SLCO3A1: variants seen among roughly 807,000 people sequenced by gnomAD.
SLCO3A1 encodes solute carrier organic anion transporter family member 3A1.
Under a neutral mutation model 63.1 loss-of-function variants are expected in SLCO3A1, and 27 were observed. The ratio of observed to expected loss-of-function variants is 0.43; its 90% confidence interval spans 0.32 to 0.59. The LOEUF is 0.59. SLCO3A1 is among the 20% of genes least tolerant of loss of function. The probability of loss-of-function intolerance (pLI) is 0.09; values close to 1 mark genes in which losing one functional copy is unlikely to be tolerated. For missense variants in SLCO3A1, 773 were observed against 945.8 expected, an observed-to-expected ratio of 0.82 and a Z score of 2.40; for synonymous variants, 473 against 409.9, an observed-to-expected ratio of 1.15 and a Z score of -1.86.
In SLCO3A1 at chr15:92,143,447, TATAA is replaced by T. The variant is rs1368771443; in HGVS notation, c.1513-3536_1513-3533del. Reference sequence around the variant, plus strand: ...ATATATATAATATATATAATATATATATAATATATATAATATATATAAATATATA... The same window carrying T: ...ATATATATAATATATATAATATATATTATATATAATATATATAAATATATA... On this transcript the variant is annotated intron_variant, in intron 7 of 9. Coordinates refer to ENST00000318445, the MANE Select transcript of SLCO3A1 (RefSeq NM_013272.4). 8.0e-4 allele frequency among the ~76,000 whole-genome samples: 7 copies of T among 8,796 alleles called. 2 individuals are homozygous for T. Among genetic ancestry groups the T allele is most frequent in the African/African-American group, 2.8e-3 (2 of 720 alleles). The allele number at this position is 8,796 out of a possible 152,430, so 5.8% of individuals were successfully genotyped here. A position where few individuals can be genotyped will look rare whatever the true frequency, so the allele number is the denominator to read the frequency against.
chr15:91,965,100 G>A (rs764025955), intron 2 of SLCO3A1, among the ~76,000 whole-genome samples: 3 of 151,668 alleles, frequency 2.0e-5, no homozygotes, highest in Non-Finnish European at 4.4e-5. Context: ...GGGATACTCA[G>A]TGGATGATTA....
At chr15:92,091,946 C>G (rs562207109) in intron 2 of SLCO3A1, among the ~76,000 whole-genome samples, 5 of 152,334 alleles carry the variant, frequency 3.3e-5, no homozygotes, top group African/African-American at 1.2e-4. Context: ...GGTGGAGAGG[C>G]TGCCTCAGGG....
intron 2 of SLCO3A1, among the ~76,000 whole-genome samples, chr15:91,938,616 A>G (rs1278538633): frequency 2.0e-5 from 3 of 152,016 alleles, no homozygotes; most frequent in Non-Finnish European, 4.4e-5. Flanking sequence ...GACCCTCCAG[A>G]CAACTATAAA....
At chr15:92,016,352 A>T (rs2046437572) in intron 2 of SLCO3A1, among the ~76,000 whole-genome samples, 2 of 152,102 alleles carry the variant, frequency 1.3e-5, no homozygotes, top group Admixed American at 1.3e-4. Context: ...TTTGGTAGAG[A>T]TGAGATCTCA....
intron 1 of SLCO3A1, among the ~76,000 whole-genome samples, chr15:91,907,617 C>T (rs550203953): frequency 1.1e-3 from 165 of 151,146 alleles, no homozygotes; most frequent in African/African-American, 3.9e-3. Context: ...CTTTGCCTCC[C>T]AGGCAGATTC....
At chr15:91,884,972 G>C (rs893513790) in intron 1 of SLCO3A1, among the ~76,000 whole-genome samples, 4 of 152,050 alleles carry the variant, frequency 2.6e-5, no homozygotes, top group African/African-American at 9.7e-5. Context: ...TGTATTCTAG[G>C]AGCATGGGGT....
chr15:91,926,596 T>TGTGTGTGTGTGTGCGTGC, intron 2 of SLCO3A1, among the ~76,000 whole-genome samples: 1 of 105,256 alleles, frequency 9.5e-6, no homozygotes, highest in Non-Finnish European at 2.1e-5. Context: ...TGTGTGTGTG[T>TGTGTGTGTGTGTGCGTGC]GCGCGCGCGC....
At chr15:91,966,039 A>C (rs943163383) in intron 2 of SLCO3A1, among the ~76,000 whole-genome samples, 1 of 152,128 alleles carries the variant, frequency 6.6e-6, no homozygotes, top group Non-Finnish European at 1.5e-5. Context: ...TCATTCCGTG[A>C]GTCATCCAGA....
At chr15:91,987,761 A>G (rs1567053294) in intron 2 of SLCO3A1, among the ~76,000 whole-genome samples, 1 of 151,266 alleles carries the variant, frequency 6.6e-6, no homozygotes, top group Non-Finnish European at 1.5e-5. Context: ...AAAAAAAGAT[A>G]ATAATAATTA....
chr15:92,032,837 T>C (rs1380187349), intron 2 of SLCO3A1, among the ~76,000 whole-genome samples: 1 of 143,138 alleles, frequency 7.0e-6, no homozygotes, highest in Non-Finnish European at 1.5e-5. Context: ...ATTGCCCTTA[T>C]AAGGGACAGA....
In SLCO3A1 at chr15:91,954,654, G is replaced by A. The variant is rs1439199291; in HGVS notation, c.646+38196G>A. Among the ~76,000 whole-genome samples the A allele has an allele frequency of 1.3e-5, 2 of 152,022 alleles. No homozygotes were observed. The highest frequency in any genetic ancestry group is 2.9e-5 in the Non-Finnish European group (2 of 68,006). On this transcript the variant is annotated intron_variant, in intron 2 of 9. Coordinates refer to ENST00000318445, the MANE Select transcript of SLCO3A1 (RefSeq NM_013272.4). The surrounding 1 kb of genome is among the most constrained non-coding windows in gnomAD (Gnocchi z 4.7). ...GGGAAGAGTGTTGCAGGTCCAGGAA[G>A]TGGCCCATATATGATTTTTATCAGG...
chr15:92,030,523 G>C (rs1427814905), intron 2 of SLCO3A1, among the ~76,000 whole-genome samples: 1 of 152,166 alleles, frequency 6.6e-6, no homozygotes, highest in Admixed American at 6.5e-5. Flanking sequence ...TCTGCTGATT[G>C]AACTCTGGAA....
intron 2 of SLCO3A1, among the ~76,000 whole-genome samples, chr15:92,059,331 C>T (rs941079101): frequency 6.6e-6 from 1 of 152,200 alleles, no homozygotes; most frequent in South Asian, 2.1e-4. Context: ...TTCTCTCTGC[C>T]CTCAGGCAGG....
At chr15:91,917,533 T>G (rs375121010) in intron 2 of SLCO3A1, among the ~76,000 whole-genome samples, 1 of 152,148 alleles carries the variant, frequency 6.6e-6, no homozygotes, top group Non-Finnish European at 1.5e-5. Flanking sequence ...ACACGGATGT[T>G]GCACGCGGAT....
In SLCO3A1 at chr15:92,031,844, G is replaced by A. The variant is rs1222760503; in HGVS notation, c.647-63037G>A. On this transcript the variant is annotated intron_variant, in intron 2 of 9. Transcript: ENST00000318445. Reference sequence around the variant, plus strand: ...TATTTTAGTTATTTTTAAATATACAGTAAATTACTGTTGTAGTTGCCTTGT... The same window carrying A: ...TATTTTAGTTATTTTTAAATATACAATAAATTACTGTTGTAGTTGCCTTGT... 3.4e-5 allele frequency among the ~76,000 whole-genome samples: 4 copies of A among 118,718 alleles called. No homozygotes were observed. In the East Asian group the frequency reaches 1.2e-3, roughly 35 times the overall value. 77.9% of individuals were successfully genotyped at this position (118,718 alleles called of 152,430 possible).
At chr15:91,977,306 T>C (rs1901154369) in intron 2 of SLCO3A1, among the ~76,000 whole-genome samples, 2 of 152,130 alleles carry the variant, frequency 1.3e-5, no homozygotes, top group Admixed American at 1.3e-4. Context: ...TTGCTGACCC[T>C]CCTTTCTGTA....
At chr15:91,979,474 C>T (rs146247528) in intron 2 of SLCO3A1, among the ~76,000 whole-genome samples, 2 of 152,174 alleles carry the variant, frequency 1.3e-5, no homozygotes, top group African/African-American at 2.4e-5. Context: ...TGGGGATGCT[C>T]AACCTGTATA....
intron 4 of SLCO3A1, among the ~76,000 whole-genome samples, chr15:92,110,052 G>A (rs929963386): frequency 6.6e-6 from 1 of 152,172 alleles, no homozygotes; most frequent in Non-Finnish European, 1.5e-5. Flanking sequence ...GTGTAACAAA[G>A]CCCTTCCTGT....
At chr15:91,874,238 C>T (rs1220525461) in intron 1 of SLCO3A1, among the ~76,000 whole-genome samples, 1 of 152,126 alleles carries the variant, frequency 6.6e-6, no homozygotes, top group Non-Finnish European at 1.5e-5. Context: ...TACTGTTGCT[C>T]ACTATTTTCT....
Sources: allele counts gnomAD v4.1 joint callset (sites outside exome capture counted in the v4.1 genomes callset), GRCh38; gene constraint gnomAD v4.1.1; non-coding constraint Gnocchi (gnomAD v3.1); transcripts MANE v1.5; gene names NCBI Gene and HGNC (gene_info 2026-07-23, HGNC 2026-07-21).